Variants in WSCD2 observed in about 807,000 individuals in gnomAD.
The protein encoded by WSCD2 is WSC domain sialate O sulfotransferase 2.
WSCD2 carries 28 observed loss-of-function variants against 55.7 expected under a neutral mutation model. The observed-to-expected ratio is 0.50, with a 90% CI of 0.37 to 0.69. WSCD2 has a LOEUF of 0.69. Ranked by LOEUF, WSCD2 falls within the 30% of genes least tolerant of loss-of-function variation. The probability of loss-of-function intolerance (pLI) is 0.00; values close to 1 mark genes in which losing one functional copy is unlikely to be tolerated. For synonymous variants in WSCD2, 301 were observed against 301.9 expected, an observed-to-expected ratio of 1.00 and a Z score of 0.03; for missense variants, 616 against 762.1, an observed-to-expected ratio of 0.81 and a Z score of 2.26.
At chr12:108,177,095 G>A (rs755877943) in intron 1 of WSCD2, among the ~76,000 whole-genome samples, 3 of 152,106 alleles carry the variant, frequency 2.0e-5, no homozygotes, top group Non-Finnish European at 2.9e-5. Flanking sequence ...CTGAGTCTAT[G>A]ACCTTGCATC....
chr12:108,132,062 G>A (rs1435497311), intron 1 of WSCD2, among the ~76,000 whole-genome samples: 1 of 152,224 alleles, frequency 6.6e-6, no homozygotes, highest in African/African-American at 2.4e-5. Context: ...ACGCATGTGT[G>A]TGTGTGTGCC....
intron 2 of WSCD2, 120 bp from the exon 3 acceptor site, chr12:108,206,169 A>G: frequency 1.3e-6 from 1 of 786,390 alleles, no homozygotes; most frequent in Non-Finnish European, 2.1e-6. Flanking sequence ...TGCCCAAAGG[A>G]AGGACTTGAC....
At chr12:108,144,209 C>T (rs538170726) in intron 1 of WSCD2, among the ~76,000 whole-genome samples, 9 of 152,260 alleles carry the variant, frequency 5.9e-5, no homozygotes, top group African/African-American at 1.9e-4. Flanking sequence ...ACTGTCTGTA[C>T]GTTGAGAGCT....
chr12:108,153,514 A>T (rs1246103251), intron 1 of WSCD2, among the ~76,000 whole-genome samples: 1 of 152,198 alleles, frequency 6.6e-6, no homozygotes, highest in Non-Finnish European at 1.5e-5. Flanking sequence ...TAGGGCTTAT[A>T]ACCATAGGGG....
intron 8 of WSCD2, among the ~76,000 whole-genome samples, chr12:108,244,229 C>T (rs1280153441): frequency 6.6e-6 from 1 of 152,176 alleles, no homozygotes; most frequent in Non-Finnish European, 1.5e-5. Flanking sequence ...TTGCAGACAG[C>T]AATCAATGAT....
rs3764002 is a variant in WSCD2, at chr12:108,224,853, C to T, written c.797C>T (p.Thr266Ile). The change falls in exon 5 of 9, where the codon ACT becomes ATT. Residue 266 changes from threonine (T) to isoleucine (I), a missense_variant. Physicochemically the swap from Thr to Ile is moderately conservative, Grantham distance 89. Around this residue, in one of 3 missense-constraint regions of WSCD2, gnomAD observed 374 missense variants for 467.4 expected, o/e 0.80. Transcript: ENST00000547525. ...GTGGACAAATGCGTGGACTTCTGCACTGAGAAGGTGAGCACAAGGTGGGGC... is the reference window on the plus strand; with the variant it reads ...GTGGACAAATGCGTGGACTTCTGCATTGAGAAGGTGAGCACAAGGTGGGGC... ...MSVDKCVDFCTEKEYPLAALA... is the reference protein window; with the variant it reads ...MSVDKCVDFCIEKEYPLAALA... The T allele has an allele frequency of 0.26, 422,987 of 1,612,852 alleles. 60,509 individuals carry two copies. The highest frequency in any genetic ancestry group is 0.52 in the East Asian group (23,438 of 44,846).
rs1280997237 is a variant in WSCD2 at position 108,240,241 on chromosome 12, G to A, written c.1145-103G>A. 5.0e-5 allele frequency: 71 copies of A among 1,429,378 alleles called. 1 individual carries two copies. The highest frequency in any genetic ancestry group is 4.9e-5 in the Non-Finnish European group (51 of 1,037,034). 88.5% of individuals were successfully genotyped at this position (1,429,378 alleles called of 1,614,324 possible). ...TCAATAAATACGCGAATGACTGAGTGAACAAATGCATGAGGATTCCCGAGG... is the reference window on the plus strand; with the variant it reads ...TCAATAAATACGCGAATGACTGAGTAAACAAATGCATGAGGATTCCCGAGG... On this transcript the variant is annotated intron_variant, in intron 7 of 8. Coordinates refer to ENST00000547525, the MANE Select transcript of WSCD2 (RefSeq NM_014653.4).
In WSCD2 at chr12:108,212,200, T is replaced by C. The variant is rs115680351; in HGVS notation, c.682+1895T>C. 1.8e-3 allele frequency among the ~76,000 whole-genome samples: 270 copies of C among 152,306 alleles called. 3 individuals carry two copies. The highest frequency in any genetic ancestry group is 6.3e-3 in the African/African-American group (262 of 41,580). ...CTTTGTGGTTTGGCTGCTAATATTA[T>C]GAGTTTTTAACTTAGTGGCAGATTT... On this transcript the variant is annotated intron_variant, in intron 4 of 8. Transcript: ENST00000547525.
chr12:108,137,332 T>A (rs1226438385), intron 1 of WSCD2, among the ~76,000 whole-genome samples: 1 of 152,232 alleles, frequency 6.6e-6, no homozygotes, highest in Non-Finnish European at 1.5e-5. Context: ...CTGATTTAAT[T>A]ACTCCAGTGC....
intron 8 of WSCD2, chr12:108,244,623 G>T (rs1889962626): frequency 1.4e-6 from 1 of 701,772 alleles, no homozygotes; most frequent in Non-Finnish European, 2.6e-6. Context: ...TGGGTGCACT[G>T]AGGCTGAAGA....
rs1305316240 is a variant in WSCD2, at chr12:108,248,940, T to C, written c.*597T>C. ...TGTGGGGAGGTAATGGTGCTCACAG[T>C]AGGTTAATTGGAGACACCATGTGGG... On this transcript the variant is annotated 3_prime_UTR_variant, in exon 9 of 9. Transcript: ENST00000547525. The surrounding 1 kb of genome is among the most constrained non-coding windows in gnomAD (Gnocchi z 4.3). 4 of 985,586 alleles carry C rather than the reference T, an allele frequency of 4.1e-6. No homozygotes were observed. The highest frequency in any genetic ancestry group is 4.8e-6 in the Non-Finnish European group (4 of 829,506). The allele number at this position is 985,586 out of a possible 1,614,324, so 61.1% of individuals were successfully genotyped here. A position where few individuals can be genotyped will look rare whatever the true frequency, so the allele number is the denominator to read the frequency against.
intron 8 of WSCD2, among the ~76,000 whole-genome samples, chr12:108,243,509 C>T (rs1248747612): frequency 6.6e-6 from 1 of 152,250 alleles, no homozygotes; most frequent in African/African-American, 2.4e-5. Context: ...GCTGGGATTA[C>T]AGGCGTGAGC....
At chr12:108,232,623 T>A in intron 6 of WSCD2, 108 bp from the exon 7 acceptor site, 1 of 1,148,658 alleles carries the variant, frequency 8.7e-7, no homozygotes, top group Non-Finnish European at 1.2e-6. Flanking sequence ...CCTGTGCCCT[T>A]GATCACCTGG....
intron 1 of WSCD2, among the ~76,000 whole-genome samples, chr12:108,147,876 A>G (rs1384509217): frequency 6.6e-6 from 1 of 151,820 alleles, no homozygotes; most frequent in Non-Finnish European, 1.5e-5. Context: ...AAAAAGAAAA[A>G]AGAAAAGAAA....
At chr12:108,203,491 C>T (rs1171151112) in intron 2 of WSCD2, among the ~76,000 whole-genome samples, 1 of 152,096 alleles carries the variant, frequency 6.6e-6, no homozygotes, top group African/African-American at 2.4e-5. Context: ...CAAACACTGG[C>T]TGCTGGGATG....
rs544953123 is a variant in WSCD2 at position 108,247,910 on chromosome 12, G to A, written c.1346-81G>A. On this transcript the variant is annotated intron_variant, in intron 8 of 8. Coordinates refer to ENST00000547525, the MANE Select transcript of WSCD2 (RefSeq NM_014653.4). ...GTTACCGTGTTGTGCTGTGAATAAT[G>A]GTAACCACTGCCAGCACCATCTGAC... is the stretch of plus-strand genomic sequence containing the variant. 19 of 1,432,724 alleles carry A rather than the reference G, an allele frequency of 1.3e-5. No individual in the cohort carries two copies. In the South Asian group the frequency reaches 2.2e-4, roughly 16 times the overall value. 88.8% of individuals were successfully genotyped at this position (1,432,724 alleles called of 1,614,324 possible).
At chr12:108,151,586 G>A (rs768342490) in intron 1 of WSCD2, among the ~76,000 whole-genome samples, 10 of 152,172 alleles carry the variant, frequency 6.6e-5, no homozygotes, top group East Asian at 1.9e-4. Flanking sequence ...GAAGGGACTC[G>A]CCCAAGGTAC....
rs1453185385 is a variant in WSCD2, at chr12:108,210,019, T to A, written c.498-102T>A. The A allele has an allele frequency of 1.3e-6, 2 of 1,488,172 alleles. No homozygotes were observed. The highest frequency in any genetic ancestry group is 1.8e-6 in the Non-Finnish European group (2 of 1,086,182). 92.2% of individuals were successfully genotyped at this position (1,488,172 alleles called of 1,614,324 possible). ...TCTCCCCATTTCCCCTGGGATCTCC[T>A]GGTCCCCAGAGCCCTCCCATCCCCC... On this transcript the variant is annotated intron_variant, in intron 3 of 8. Transcript: ENST00000547525. This position sits in a 1 kb window ranked among gnomAD's most constrained non-coding sequence, Gnocchi z 4.3.
rs895683674 is a variant in WSCD2 at position 108,250,201 on chromosome 12, TGA to T, written c.*1875_*1876del. 0.074 allele frequency: 11,005 copies of T among 148,470 alleles called. 587 individuals are homozygous for T. The highest frequency in any genetic ancestry group is 0.15 in the African/African-American group (5,936 of 40,330). 9.2% of individuals were successfully genotyped at this position (148,470 alleles called of 1,614,324 possible). A position where few individuals can be genotyped will look rare whatever the true frequency, so the allele number is the denominator to read the frequency against. On this transcript the variant is annotated 3_prime_UTR_variant, in exon 9 of 9. Transcript: ENST00000547525. Reference sequence around the variant, plus strand: ...GTGTGTGTGTGTGTGTGTGTGTGTATGAGAGAGAGAGAGAGAGACAACAGAGA... The same window carrying T: ...GTGTGTGTGTGTGTGTGTGTGTGTATGAGAGAGAGAGAGAGACAACAGAGA...
Sources: allele counts gnomAD v4.1 joint callset (sites outside exome capture counted in the v4.1 genomes callset), GRCh38; gene constraint gnomAD v4.1.1; regional missense constraint gnomAD v4.1.1; non-coding constraint Gnocchi (gnomAD v3.1); transcripts MANE v1.5; gene names NCBI Gene and HGNC (gene_info 2026-07-23, HGNC 2026-07-21).